Variants in SAMMSON observed in about 807,000 individuals in gnomAD.
The protein encoded by SAMMSON is survival associated mitochondrial melanoma specific oncogenic non-coding RNA, also known as long intergenic non-protein coding RNA 1212.
At chr3:70,415,014 T>C (rs1012321957) in intron 2 of SAMMSON, among the ~76,000 whole-genome samples, 1 of 151,592 alleles carries the variant, frequency 6.6e-6, no homozygotes, top group Non-Finnish European at 1.5e-5. Context: ...AGAGAAAAGC[T>C]GAAAAGAATT....
rs1214773198 is a variant in SAMMSON at position 70,362,039 on chromosome 3, A to G, written n.913+3715A>G. On this transcript the variant is annotated intron_variant and non_coding_transcript_variant, in intron 9 of 9. Coordinates refer to ENST00000642114, the Ensembl canonical transcript of SAMMSON. ...AATGTTTACACCTTGGCTGTTGTCT[A>G]CAGGGGATAAAGATATGCAAACCAT... Among the ~76,000 whole-genome samples the G allele has an allele frequency of 3.9e-5, 6 of 152,264 alleles. No individual in the cohort carries two copies. The East Asian group carries it at 1.2e-3, about 29-fold the overall frequency.
intron 6 of SAMMSON, among the ~76,000 whole-genome samples, chr3:70,266,942 T>C (rs192382227): frequency 6.6e-6 from 1 of 152,296 alleles, no homozygotes; most frequent in Non-Finnish European, 1.5e-5. Context: ...TTATTGGAAA[T>C]TTGTTGGCTG....
chr3:70,159,685 A>G (rs185302132), intron 4 of SAMMSON: 1 of 152,012 alleles, frequency 6.6e-6, no homozygotes. Flanking sequence ...CAGCCTCCCA[A>G]GTAGCTGGGA....
chr3:70,264,133 T>C (rs868797569), intron 6 of SAMMSON, among the ~76,000 whole-genome samples: 21 of 152,358 alleles, frequency 1.4e-4, no homozygotes, highest in Middle Eastern at 6.8e-3. Context: ...ACAAAATATA[T>C]ATGTTTAAAA....
At chr3:70,179,010 G>A (rs1373089872) in intron 4 of SAMMSON, among the ~76,000 whole-genome samples, 1 of 151,874 alleles carries the variant, frequency 6.6e-6, no homozygotes, top group Non-Finnish European at 1.5e-5. Context: ...CAAAATAATA[G>A]TAATAATAAT....
At chr3:70,156,518 G>T (rs1276567652) in intron 4 of SAMMSON, among the ~76,000 whole-genome samples, 2 of 151,962 alleles carry the variant, frequency 1.3e-5, no homozygotes, top group Non-Finnish European at 2.9e-5. Flanking sequence ...ATAGAGACAA[G>T]ACCAAAGAAT....
intron 7 of SAMMSON, among the ~76,000 whole-genome samples, chr3:70,333,435 T>A (rs1702639699): frequency 6.6e-6 from 1 of 152,296 alleles, no homozygotes; most frequent in Admixed American, 6.5e-5. Flanking sequence ...AAACATATAC[T>A]TTTTAAAAGA....
At chr3:70,207,603 G>T (rs1701304895) in intron 4 of SAMMSON, among the ~76,000 whole-genome samples, 2 of 151,706 alleles carry the variant, frequency 1.3e-5, no homozygotes, top group Admixed American at 1.3e-4. Flanking sequence ...ACAAATCCTA[G>T]ATACACAGAT....
chr3:70,135,299 A>G (rs1378236647), intron 4 of SAMMSON, among the ~76,000 whole-genome samples: 2 of 152,180 alleles, frequency 1.3e-5, no homozygotes, highest in Admixed American at 6.5e-5. Context: ...CCAGAAAGAA[A>G]CAAAATATGT....
chr3:70,092,455 T>TC (rs1013450870), intron 4 of SAMMSON, among the ~76,000 whole-genome samples: 5 of 151,786 alleles, frequency 3.3e-5, no homozygotes, highest in African/African-American at 1.2e-4. Flanking sequence ...CTGTTTTTTT[T>TC]TTTTATAAAG....
At chr3:70,283,311 G>T (rs1350490465) in intron 6 of SAMMSON, among the ~76,000 whole-genome samples, 1 of 152,014 alleles carries the variant, frequency 6.6e-6, no homozygotes, top group African/African-American at 2.4e-5. Flanking sequence ...AATGCACTGT[G>T]CCTGGCAGAT....
chr3:70,297,317 A>T lies in SAMMSON; in HGVS notation n.739+6074A>T, dbSNP rs576362369. Reference sequence around the variant, plus strand: ...CTTAAATAAGCTGGGGAAAGTTCAGATAGATAGAGATTGTGAGATGCTTGC... The same window carrying T: ...CTTAAATAAGCTGGGGAAAGTTCAGTTAGATAGAGATTGTGAGATGCTTGC... On this transcript the variant is annotated intron_variant and non_coding_transcript_variant, in intron 7 of 9. Coordinates refer to ENST00000642114, the Ensembl canonical transcript of SAMMSON. 1.6e-4 allele frequency among the ~76,000 whole-genome samples: 24 copies of T among 152,234 alleles called. No individual in the cohort carries two copies. In the East Asian group the frequency reaches 4.6e-3, roughly 29 times the overall value.
intron 6 of SAMMSON, among the ~76,000 whole-genome samples, chr3:70,274,672 G>T (rs1702004917): frequency 6.6e-6 from 1 of 152,084 alleles, no homozygotes; most frequent in Admixed American, 6.6e-5. Context: ...CTAGGTGATG[G>T]ATTGTTAGGT....
intron 9 of SAMMSON, among the ~76,000 whole-genome samples, chr3:70,358,819 C>A (rs1575633091): frequency 6.6e-6 from 1 of 152,180 alleles, no homozygotes; most frequent in East Asian, 1.9e-4. Context: ...ATGATGTGAA[C>A]TTATTCTTAA....
intron 9 of SAMMSON, among the ~76,000 whole-genome samples, chr3:70,370,222 A>T (rs960435630): frequency 6.6e-6 from 1 of 152,066 alleles, no homozygotes; most frequent in Non-Finnish European, 1.5e-5. Flanking sequence ...ATGGATGGAC[A>T]TTTAGGCTGA....
intron 2 of SAMMSON, among the ~76,000 whole-genome samples, chr3:70,407,887 A>G (rs1233041361): frequency 6.6e-6 from 1 of 152,206 alleles, no homozygotes; most frequent in Non-Finnish European, 1.5e-5. Context: ...GAGTTTCTCC[A>G]TGAGTGCCCT....
chr3:70,087,591 T>C (rs1213562037), intron 4 of SAMMSON, among the ~76,000 whole-genome samples: 1 of 152,164 alleles, frequency 6.6e-6, no homozygotes, highest in Non-Finnish European at 1.5e-5. Flanking sequence ...TTAGCAGAGA[T>C]GACACTGGAG....
chr3:70,371,666 T>C (rs1702970996), intron 9 of SAMMSON, among the ~76,000 whole-genome samples: 1 of 151,566 alleles, frequency 6.6e-6, no homozygotes, highest in African/African-American at 2.4e-5. Context: ...ATGCTATTGA[T>C]TTTTTTCATA....
intron 3 of SAMMSON, among the ~76,000 whole-genome samples, chr3:70,036,323 C>T (rs774731339): frequency 3.9e-5 from 6 of 152,074 alleles, no homozygotes; most frequent in East Asian, 1.9e-4. Context: ...AATTTCTTGG[C>T]GACCCAACAT....
Sources: gnomAD v4.1 joint callset for allele counts (sites outside exome capture counted in the v4.1 genomes callset) on GRCh38, gnomAD v4.1.1 for gene constraint, MANE v1.5 for transcripts, NCBI Gene and HGNC (gene_info 2026-07-23, HGNC 2026-07-21) for gene names.